Variants in FAM135A observed in about 807,000 individuals in gnomAD.
FAM135A encodes the protein protein FAM135A.
In FAM135A, 79 loss-of-function variants were observed where a neutral mutation model predicts 146.8. The observed-to-expected ratio is 0.54, with a 90% CI of 0.45 to 0.65. The LOEUF is 0.65. FAM135A is among the 30% of genes least tolerant of loss of function. The pLI is 0.00. For missense variants in FAM135A, 1,623 were observed against 1,758.2 expected (o/e 0.92, Z 1.38); for synonymous variants, 562 against 603.6 (o/e 0.93, Z 1.01).
At chr6:70,522,670 A>G (rs1193823044) in intron 13 of FAM135A, 84 bp downstream of exon 13, 1 of 1,046,292 alleles carries the variant, frequency 9.6e-7, no homozygotes, top group Non-Finnish European at 1.4e-6. Context: ...GTGACAGAAT[A>G]TACAGTATTA....
chr6:70,511,133 G>A (rs1449950487), intron 12 of FAM135A, among the ~76,000 whole-genome samples: 1 of 151,812 alleles, frequency 6.6e-6, no homozygotes, highest in Non-Finnish European at 1.5e-5. Context: ...TGGGTTGTTT[G>A]TCTTTTTGTT....
In FAM135A at chr6:70,545,721, G is replaced by A. The variant is rs143514875; in HGVS notation, c.4228+7320G>A. Among the ~76,000 whole-genome samples, 880 of 152,228 alleles carry A rather than the reference G, an allele frequency of 5.8e-3. 3 individuals carry two copies. The highest frequency in any genetic ancestry group is 8.2e-3 in the Non-Finnish European group (557 of 68,004). ...CTAATACACATGTAACATTTACCAC[G>A]TTCTAGGTGTGATTTAAACACATAC... is the stretch of plus-strand genomic sequence containing the variant. On this transcript the variant is annotated intron_variant, in intron 20 of 21. Transcript: ENST00000418814.
chr6:70,469,734 AAAAAG>A (rs1781189813), intron 5 of FAM135A, among the ~76,000 whole-genome samples: 1 of 152,136 alleles, frequency 6.6e-6, no homozygotes, highest in Admixed American at 6.6e-5. Flanking sequence ...CCCCTGCAAA[AAAAAG>A]AGACGAAAAA....
chr6:70,556,890 G>C (rs77339822), intron 21 of FAM135A, 27 bp downstream of exon 21: 120 of 1,593,604 alleles, frequency 7.5e-5, no homozygotes, highest in Non-Finnish European at 1.0e-4. Flanking sequence ...ATTTCAAAGA[G>C]TTATAGGTAT....
At chr6:70,459,916 C>T (rs901138625) in intron 5 of FAM135A, among the ~76,000 whole-genome samples, 2 of 151,940 alleles carry the variant, frequency 1.3e-5, no homozygotes, top group Admixed American at 6.6e-5. Context: ...CTGTAATTCC[C>T]GCTACTTGGG....
Position 70,481,497 on chromosome 6 carries a change from G to C in FAM135A, c.669+470G>C, listed in dbSNP as rs551373736. The stretch of plus-strand genomic sequence containing the variant: ...GACCCCACCTCTACAAAAAATAATG[G>C]TGGCACATGTCTGTAGTCCCAACTG... On this transcript the variant is annotated intron_variant, in intron 9 of 21. Transcript: ENST00000418814. Among the ~76,000 whole-genome samples the C allele has an allele frequency of 8.5e-5, 13 of 152,170 alleles. No individual in the cohort carries two copies. In the East Asian group the frequency reaches 2.5e-3, roughly 29 times the overall value.
At chr6:70,552,086 A>G (rs946171045) in intron 20 of FAM135A, among the ~76,000 whole-genome samples, 3 of 152,222 alleles carry the variant, frequency 2.0e-5, no homozygotes, top group Non-Finnish European at 4.4e-5. Flanking sequence ...ATACCTGTAT[A>G]AAACTGATTG....
At chr6:70,516,021 G>A (rs34873840) in intron 12 of FAM135A, among the ~76,000 whole-genome samples, 2 of 151,870 alleles carry the variant, frequency 1.3e-5, no homozygotes, top group African/African-American at 4.8e-5. Flanking sequence ...CTCGATTGTA[G>A]ATTATATTTT....
chr6:70,536,080 A>T, intron 18 of FAM135A, 180 bp from the exon 19 acceptor site: 1 of 535,770 alleles, frequency 1.9e-6, no homozygotes, highest in South Asian at 3.0e-5. Context: ...AGGATCTTCT[A>T]TACATTCTCA....
At chr6:70,465,424 A>T (rs1220383872) in intron 5 of FAM135A, among the ~76,000 whole-genome samples, 2 of 151,924 alleles carry the variant, frequency 1.3e-5, no homozygotes, top group Admixed American at 6.6e-5. Flanking sequence ...TTCTATTTTT[A>T]TTATTTTTAT....
intron 12 of FAM135A, among the ~76,000 whole-genome samples, chr6:70,506,738 C>CTTTTTTTTTTTTTTTTTTTTTTT (rs1336904814): frequency 2.3e-5 from 3 of 133,068 alleles, no homozygotes; most frequent in East Asian, 2.2e-4. Flanking sequence ...TTTGTTTTTT[C>CTTTTTTTTTTTTTTTTTTTTTTT]TTTTTTTTTT....
At chr6:70,514,742 T>G (rs1025137931) in intron 12 of FAM135A, among the ~76,000 whole-genome samples, 12 of 152,020 alleles carry the variant, frequency 7.9e-5, no homozygotes, top group African/African-American at 2.7e-4. Flanking sequence ...GACAGATGAG[T>G]TAAAAACTCC....
At chr6:70,437,151 A>T (rs934598445) in intron 4 of FAM135A, among the ~76,000 whole-genome samples, 1 of 152,178 alleles carries the variant, frequency 6.6e-6, no homozygotes, top group African/African-American at 2.4e-5. Flanking sequence ...AACTTATGAA[A>T]CAATTTGCAT....
At chr6:70,511,575 T>C (rs562843593) in intron 12 of FAM135A, among the ~76,000 whole-genome samples, 1 of 148,026 alleles carries the variant, frequency 6.8e-6, no homozygotes, top group South Asian at 2.1e-4. Context: ...ATTTGATTTT[T>C]TAAAAAATTG....
chr6:70,424,102 A>C (rs781571570), intron 2 of FAM135A, among the ~76,000 whole-genome samples: 22 of 152,226 alleles, frequency 1.4e-4, no homozygotes, highest in Non-Finnish European at 2.8e-4. Flanking sequence ...GGTAAGAATG[A>C]ATGTCAATAT....
intron 19 of FAM135A, 115 bp from the exon 20 acceptor site, chr6:70,538,176 A>G: frequency 3.6e-6 from 2 of 554,324 alleles, no homozygotes; most frequent in East Asian, 3.6e-5. Flanking sequence ...GCCAACAAAA[A>G]TGCTAATTTA....
At chr6:70,542,806 TGTC>T (rs1798183995) in intron 20 of FAM135A, among the ~76,000 whole-genome samples, 1 of 152,198 alleles carries the variant, frequency 6.6e-6, no homozygotes, top group African/African-American at 2.4e-5. Flanking sequence ...CCTCTCCTGT[TGTC>T]CTTTTTTTAA....
intron 20 of FAM135A, among the ~76,000 whole-genome samples, chr6:70,545,871 A>G (rs557917585): frequency 6.6e-6 from 1 of 152,358 alleles, no homozygotes; most frequent in South Asian, 2.1e-4. Context: ...GCCAGTAAGC[A>G]TTCGTGCATG....
intron 5 of FAM135A, among the ~76,000 whole-genome samples, chr6:70,471,277 T>C (rs1031882285): frequency 1.3e-5 from 2 of 152,078 alleles, no homozygotes; most frequent in Non-Finnish European, 2.9e-5. Context: ...TAATGATGGA[T>C]CATAGGATTT....
Sources: gnomAD v4.1 joint callset for allele counts (sites outside exome capture counted in the v4.1 genomes callset) on GRCh38, gnomAD v4.1.1 for gene constraint, MANE v1.5 for transcripts, NCBI Gene and HGNC (gene_info 2026-07-23, HGNC 2026-07-21) for gene names.